The following ERBB2 variants were observed in gnomAD, a reference collection of about 807,000 sequenced individuals.
The protein encoded by ERBB2 is erb-b2 receptor tyrosine kinase 2.
In ERBB2, 61 loss-of-function variants were observed where a neutral mutation model predicts 149.0. The observed-to-expected ratio is 0.41, with a 90% CI of 0.33 to 0.51. The LOEUF is 0.51. Among genes scored for constraint, ERBB2 ranks in the 20% least tolerant of loss-of-function variants. ERBB2 has a pLI of 0.25. For missense variants in ERBB2, 1,205 were observed against 1,655.1 expected (o/e 0.73, Z 4.72); for synonymous variants, 633 against 678.8 (o/e 0.93, Z 1.05).
At chr17:39,719,425 C>T (rs1447774183) in intron 15 of ERBB2, among the ~76,000 whole-genome samples, 1 of 152,178 alleles carries the variant, frequency 6.6e-6, no homozygotes, top group African/African-American at 2.4e-5. Context: ...ACTGCTGGGT[C>T]ATAGATGATA....
Position 39,727,485 on chromosome 17 carries a change from C to T in ERBB2, c.3350C>T (p.Thr1117Ile). 6.2e-7 allele frequency: 1 copy of T among 1,606,144 alleles called. No homozygotes were observed. The change falls in exon 26 of 27, where the codon ACA becomes ATA. Residue 1117 changes from threonine to isoleucine, a missense_variant. By Grantham distance (89) the Thr-to-Ile change is moderately conservative. Transcript: ENST00000269571. This position sits in a 1 kb window ranked among gnomAD's most constrained non-coding sequence, Gnocchi z 4.3. Reference sequence around the variant, plus strand: ...CTACAGCGGTACAGTGAGGACCCCACAGTACCCCTGCCCTCTGAGACTGAT... The same window carrying T: ...CTACAGCGGTACAGTGAGGACCCCATAGTACCCCTGCCCTCTGAGACTGAT... ...SPLQRYSEDP[T>I]VPLPSETDGY... is the part of the protein sequence containing the mutation.
intron 4 of ERBB2, 120 bp from the exon 5 acceptor site, chr17:39,709,693 C>T (rs2058680180): frequency 9.4e-7 from 1 of 1,064,074 alleles, no homozygotes; most frequent in Admixed American, 1.9e-5. Flanking sequence ...GTCTGGGTCC[C>T]TCCCTTGCTG....
chr17:39,711,824 A>G, intron 7 of ERBB2, 104 bp from the exon 8 acceptor site: 1 of 1,373,768 alleles, frequency 7.3e-7, no homozygotes. Flanking sequence ...AGGGCATTTA[A>G]GTATTGGTTG....
At chr17:39,694,288 T>TATATATGTGTATATATATATACACAC (rs1463644286), upstream of ERBB2, among the ~76,000 whole-genome samples, 14 of 60,732 alleles carry the variant, frequency 2.3e-4, no homozygotes, top group Admixed American at 6.4e-4. Context: ...TATATATATA[T>TATATATGTGTATATATATATACACAC]ACACATATAT....
intron 16 of ERBB2, among the ~76,000 whole-genome samples, chr17:39,721,661 T>C (rs1214296994): frequency 6.6e-6 from 1 of 152,052 alleles, no homozygotes; most frequent in Non-Finnish European, 1.5e-5. Flanking sequence ...GTGTGGAAAA[T>C]CATGACCTGT....
rs753995604 is a variant in ERBB2, at chr17:39,723,502, G to T, written c.2086-36G>T. ...TCCCAGCCCGCGTGGGGTCTGCACC[G>T]GCCCCCGGCACTGACCCACCACCCC... On this transcript the variant is annotated intron_variant, in intron 17 of 26. Transcript: ENST00000269571. This position sits in a 1 kb window ranked among gnomAD's most constrained non-coding sequence, Gnocchi z 6.2. 13 of 1,613,380 alleles carry T rather than the reference G, an allele frequency of 8.1e-6. No individual in the cohort carries two copies. The highest frequency in any genetic ancestry group is 1.1e-5 in the Non-Finnish European group (13 of 1,179,762).
chr17:39,715,378 T>A lies in ERBB2; in HGVS notation c.1222+19T>A, dbSNP rs566734966. The A allele has an allele frequency of 1.2e-6, 2 of 1,613,662 alleles. No homozygotes were observed. Among genetic ancestry groups the A allele is most frequent in the Admixed American group, 1.7e-5 (1 of 60,020 alleles). On this transcript the variant is annotated intron_variant, in intron 10 of 26. Transcript: ENST00000269571. Reference sequence around the variant, plus strand: ...ATCACAGGTGGGCTCTGTCTCTGCATCCTGTTCTGCAGGGGCTGGGAGTCC... The same window carrying A: ...ATCACAGGTGGGCTCTGTCTCTGCAACCTGTTCTGCAGGGGCTGGGAGTCC...
chr17:39,705,049 G>A (rs779588527), intron 1 of ERBB2, among the ~76,000 whole-genome samples: 2 of 152,144 alleles, frequency 1.3e-5, no homozygotes, highest in Non-Finnish European at 2.9e-5. Flanking sequence ...AGCTTTATGA[G>A]GCGAGAGCTA....
At chr17:39,724,404 C>T (rs997786073) in intron 19 of ERBB2, among the ~76,000 whole-genome samples, 1 of 151,404 alleles carries the variant, frequency 6.6e-6, no homozygotes, top group South Asian at 2.1e-4. Context: ...GGATTACAGG[C>T]GCGAGCCACC....
intron 1 of ERBB2, among the ~76,000 whole-genome samples, chr17:39,705,274 C>T (rs1177630904): frequency 6.6e-6 from 1 of 152,044 alleles, no homozygotes; most frequent in South Asian, 2.1e-4. Flanking sequence ...GGGGTGGAGT[C>T]GGACCCTGCC....
chr17:39,710,933 C>T (rs1310216147), intron 7 of ERBB2, among the ~76,000 whole-genome samples: 2 of 152,158 alleles, frequency 1.3e-5, no homozygotes, highest in Admixed American at 6.6e-5. Context: ...TTTTTGAGAC[C>T]GAATTTAGTT....
intron 16 of ERBB2, among the ~76,000 whole-genome samples, chr17:39,720,861 G>T (rs189423365): frequency 5.6e-4 from 85 of 152,268 alleles, no homozygotes; most frequent in African/African-American, 1.9e-3. Context: ...TGTTGGCCAG[G>T]ATGGTCTCGA....
At chr17:39,699,583 A>G (rs1482414103), upstream of ERBB2, 1 of 1,501,238 alleles carries the variant, frequency 6.7e-7, no homozygotes, top group South Asian at 1.2e-5. Flanking sequence ...CCTGGAAGCC[A>G]CAAGGTAAAC....
rs1438968339 is a variant in ERBB2, at chr17:39,727,453, C to T, written c.3318C>T (p.Pro1106=). 2 of 1,609,598 alleles carry T rather than the reference C, an allele frequency of 1.2e-6. No individual in the cohort carries two copies. Among genetic ancestry groups the T allele is most frequent in the Non-Finnish European group, 1.7e-6 (2 of 1,178,826 alleles). ...KGLQSLPTHD[P]SPLQRYSEDP... is the part of the protein sequence containing the mutation. ...TGCAAAGCCTCCCCACACATGACCCCAGCCCTCTACAGCGGTACAGTGAGG... is the reference window on the plus strand; with the variant it reads ...TGCAAAGCCTCCCCACACATGACCCTAGCCCTCTACAGCGGTACAGTGAGG... The change falls in exon 26 of 27, where the codon CCC becomes CCT. Residue 1106 remains proline (P), a synonymous_variant. Transcript: ENST00000269571. This position sits in a 1 kb window ranked among gnomAD's most constrained non-coding sequence, Gnocchi z 4.3.
chr17:39,694,616 A>T (rs1305488805), upstream of ERBB2: 1 of 152,136 alleles, frequency 6.6e-6, no homozygotes, highest in Non-Finnish European at 1.5e-5. Context: ...GAATGAAACC[A>T]TCAGAAACGA....
chr17:39,698,681 G>A (rs1314087283), upstream of ERBB2, among the ~76,000 whole-genome samples: 1 of 152,192 alleles, frequency 6.6e-6, no homozygotes, highest in Non-Finnish European at 1.5e-5. Flanking sequence ...GCACATGGAA[G>A]CAAGTTTAGA....
intron 1 of ERBB2, among the ~76,000 whole-genome samples, chr17:39,703,885 T>C (rs1470411926): frequency 6.6e-6 from 1 of 152,220 alleles, no homozygotes; most frequent in Non-Finnish European, 1.5e-5. Context: ...GTAGTATTCA[T>C]GGAAACCAAG....
intron 1 of ERBB2, chr17:39,688,296 C>T: frequency 3.1e-6 from 1 of 322,214 alleles, no homozygotes; most frequent in Non-Finnish European, 5.6e-6. Context: ...TGTTTACTGT[C>T]ACCACCCCTG....
chr17:39,711,436 C>T (rs759999814), intron 7 of ERBB2, among the ~76,000 whole-genome samples: 1 of 152,216 alleles, frequency 6.6e-6, no homozygotes. Context: ...AAGTGATCCA[C>T]CCGCCTTGGT....
Sources: gnomAD v4.1 joint callset for allele counts (sites outside exome capture counted in the v4.1 genomes callset) on GRCh38, gnomAD v4.1.1 for gene constraint, Gnocchi (gnomAD v3.1) non-coding constraint, MANE v1.5 for transcripts, NCBI Gene and HGNC (gene_info 2026-07-23, HGNC 2026-07-21) for gene names.